PKP4: variants seen among roughly 807,000 people sequenced by gnomAD.
PKP4 encodes the protein plakophilin-4.
PKP4 carries 90 observed loss-of-function variants against 145.1 expected under a neutral mutation model. That is an observed-to-expected ratio of 0.62 (90% confidence interval 0.52 to 0.74). PKP4 has a LOEUF of 0.74. Among genes scored for constraint, PKP4 ranks in the 30% least tolerant of loss-of-function variants. The pLI is 0.00. For missense variants in PKP4, 1,340 were observed against 1,482.7 expected, an observed-to-expected ratio of 0.90 and a Z score of 1.58; for synonymous variants, 563 against 577.2, an observed-to-expected ratio of 0.98 and a Z score of 0.35.
Position 158,595,126 on chromosome 2 carries a change from C to T in PKP4, c.246-7944C>T, listed in dbSNP as rs1239836626. 2.0e-5 allele frequency among the ~76,000 whole-genome samples: 3 copies of T among 152,228 alleles called. No individual in the cohort carries two copies. In the South Asian group the frequency reaches 6.2e-4, roughly 32 times the overall value. ...TCTCTAGTGTAAAGAATTTATTTCCCGGGCAATCCTTACCTGACTAAGAGC... is the reference window on the plus strand; with the variant it reads ...TCTCTAGTGTAAAGAATTTATTTCCTGGGCAATCCTTACCTGACTAAGAGC... On this transcript the variant is annotated intron_variant, in intron 3 of 21. Coordinates refer to ENST00000389759, the MANE Select transcript of PKP4 (RefSeq NM_003628.6).
chr2:158,502,035 T>C (rs1406844392), intron 1 of PKP4, among the ~76,000 whole-genome samples: 1 of 152,208 alleles, frequency 6.6e-6, no homozygotes, highest in Non-Finnish European at 1.5e-5. Flanking sequence ...ATTGAAGGTT[T>C]TCTGAGGGCT....
chr2:158,679,717 TG>T (rs1321710674), intron 21 of PKP4, among the ~76,000 whole-genome samples: 1 of 152,252 alleles, frequency 6.6e-6, no homozygotes, highest in Non-Finnish European at 1.5e-5. Context: ...GGTGCCCACG[TG>T]TGCCTGGTCT....
chr2:158,579,873 CTA>C (rs1337033449), intron 3 of PKP4, among the ~76,000 whole-genome samples: 1 of 151,418 alleles, frequency 6.6e-6, no homozygotes, highest in Non-Finnish European at 1.5e-5. Flanking sequence ...ATATATATTG[CTA>C]TATATATAGC....
chr2:158,574,881 T>C (rs558049493), intron 2 of PKP4, among the ~76,000 whole-genome samples: 2 of 152,312 alleles, frequency 1.3e-5, no homozygotes, highest in African/African-American at 4.8e-5. Flanking sequence ...TGCCCTACTT[T>C]TAAATAAAAA....
chr2:158,557,396 G>T (rs764720848), intron 2 of PKP4, among the ~76,000 whole-genome samples: 1 of 152,174 alleles, frequency 6.6e-6, no homozygotes, highest in African/African-American at 2.4e-5. Flanking sequence ...ATGAGCTGGG[G>T]TAGTGAACCA....
intron 11 of PKP4, among the ~76,000 whole-genome samples, chr2:158,644,132 A>G (rs1246709388): frequency 6.6e-6 from 1 of 152,220 alleles, no homozygotes; most frequent in East Asian, 1.9e-4. Context: ...GGGGTATGGC[A>G]TGGCCAGTTT....
chr2:158,620,966 C>G, intron 4 of PKP4, 24 bp from the exon 5 acceptor site: 1 of 1,606,004 alleles, frequency 6.2e-7, no homozygotes, highest in Non-Finnish European at 8.5e-7. Flanking sequence ...TTATATTTAG[C>G]TGATTAAACT....
chr2:158,642,597 A>G lies in PKP4; in HGVS notation c.1807A>G (p.Thr603Ala), dbSNP rs775418802. 6.8e-6 allele frequency: 11 copies of G among 1,613,844 alleles called. No homozygotes were observed. Among genetic ancestry groups the G allele is most frequent in the Non-Finnish European group, 9.3e-6 (11 of 1,179,772 alleles). The change falls in exon 11 of 22, where the codon ACA becomes GCA. Residue 603 changes from threonine to alanine, a missense_variant. Physicochemically the swap from Thr to Ala is moderately conservative, Grantham distance 58 (BLOSUM62 0). Transcript: ENST00000389759. ...TCGAAACCTCGTTTTTGGCAAGTCT[A>G]CAGATGAAAATAAAATAGCAATGAA... is the stretch of plus-strand genomic sequence containing the variant. ...ALRNLVFGKS[T>A]DENKIAMKNV...
intron 4 of PKP4, among the ~76,000 whole-genome samples, chr2:158,615,866 C>G (rs1215645884): frequency 2.0e-5 from 3 of 152,000 alleles, no homozygotes; most frequent in Non-Finnish European, 4.4e-5. Flanking sequence ...ACTTTTTAGA[C>G]GGGTAAAATT....
intron 9 of PKP4, among the ~76,000 whole-genome samples, chr2:158,635,737 G>A (rs981083386): frequency 2.6e-5 from 4 of 152,078 alleles, no homozygotes; most frequent in African/African-American, 9.7e-5. Flanking sequence ...AAAACTGATG[G>A]CTGTCTTTGA....
rs1231890801 is a variant in PKP4 at position 158,468,065 on chromosome 2, A to G, written c.-6+10847A>G. Among the ~76,000 whole-genome samples, 4 of 152,210 alleles carry G rather than the reference A, an allele frequency of 2.6e-5. No homozygotes were observed. The East Asian group carries it at 7.7e-4, about 29-fold the overall frequency. On this transcript the variant is annotated intron_variant, in intron 1 of 21. Transcript: ENST00000389759. ...CTGTTGTTTCCAACTTATAGCTATT[A>G]CAAATAGAGTTGCTATGAATATGTA...
At chr2:158,675,756 A>G (rs1575138107) in intron 19 of PKP4, among the ~76,000 whole-genome samples, 2 of 152,322 alleles carry the variant, frequency 1.3e-5, no homozygotes, top group East Asian at 3.9e-4. Context: ...ATACATGCTT[A>G]CATGTTTAAC....
chr2:158,678,370 G>GTT (rs1384691647), intron 20 of PKP4, among the ~76,000 whole-genome samples: 1 of 152,130 alleles, frequency 6.6e-6, no homozygotes, highest in Non-Finnish European at 1.5e-5. Context: ...TTCTGCCATA[G>GTT]TTTTGCCATT....
chr2:158,570,273 C>A (rs565185173), intron 2 of PKP4, among the ~76,000 whole-genome samples: 59 of 152,250 alleles, frequency 3.9e-4, no homozygotes, highest in African/African-American at 1.3e-3. Context: ...TGGGGGATTT[C>A]TTGGTAGTTC....
rs1367480101 is a variant in PKP4 at position 158,601,561 on chromosome 2, G to A, written c.246-1509G>A. Among the ~76,000 whole-genome samples, 3 of 152,196 alleles carry A rather than the reference G, an allele frequency of 2.0e-5. No homozygotes were observed. In the East Asian group the frequency reaches 5.8e-4, roughly 29 times the overall value. On this transcript the variant is annotated intron_variant, in intron 3 of 21. Transcript: ENST00000389759. ...GACAAATGTCTCATTACTGATATTT[G>A]ACCAAGTTTTCACTTTTTCCTATCA...
At chr2:158,468,387 C>T (rs1690992018) in intron 1 of PKP4, among the ~76,000 whole-genome samples, 1 of 151,952 alleles carries the variant, frequency 6.6e-6, no homozygotes, top group Non-Finnish European at 1.5e-5. Context: ...TAGGAAAACC[C>T]CATTGATTTT....
intron 2 of PKP4, among the ~76,000 whole-genome samples, chr2:158,558,643 T>A (rs2046285271): frequency 6.6e-6 from 1 of 151,848 alleles, no homozygotes; most frequent in African/African-American, 2.4e-5. Context: ...AAATGAGACC[T>A]GAATAAGTGG....
chr2:158,647,396 T>C (rs1043228446), intron 11 of PKP4, among the ~76,000 whole-genome samples: 1 of 152,326 alleles, frequency 6.6e-6, no homozygotes. Context: ...ATTAAGTAAT[T>C]CAACCCAGTT....
At chr2:158,477,477 C>G (rs747907343) in intron 1 of PKP4, among the ~76,000 whole-genome samples, 9 of 152,194 alleles carry the variant, frequency 5.9e-5, no homozygotes, top group Admixed American at 2.0e-4. Context: ...AATGAATGAA[C>G]TACTTAACTG....
Sources: allele counts gnomAD v4.1 joint callset (sites outside exome capture counted in the v4.1 genomes callset), GRCh38; gene constraint gnomAD v4.1.1; transcripts MANE v1.5; gene names NCBI Gene and HGNC (gene_info 2026-07-23, HGNC 2026-07-21).